SLCO5A1: variants seen among roughly 807,000 people sequenced by gnomAD.
The protein encoded by SLCO5A1 is solute carrier organic anion transporter family member 5A1.
SLCO5A1 carries 39 observed loss-of-function variants against 65.1 expected under a neutral mutation model. The ratio of observed to expected loss-of-function variants is 0.60; its 90% CI spans 0.46 to 0.78. The LOEUF is 0.78. Among genes scored for constraint, SLCO5A1 ranks in the 30% least tolerant of loss-of-function variants. SLCO5A1 has a pLI of 0.00. For synonymous variants in SLCO5A1, 438 were observed against 415.7 expected (o/e 1.05, Z -0.65); for missense variants, 1,029 against 1,069.4 (o/e 0.96, Z 0.53).
intron 5 of SLCO5A1, among the ~76,000 whole-genome samples, chr8:69,721,861 C>T (rs1020852659): frequency 6.6e-6 from 1 of 152,014 alleles, no homozygotes; most frequent in Non-Finnish European, 1.5e-5. Context: ...AAAATAAGTG[C>T]TATGATTAAA....
intron 5 of SLCO5A1, among the ~76,000 whole-genome samples, 185 bp from the exon 6 acceptor site, chr8:69,705,414 C>G (rs949683238): frequency 1.3e-5 from 2 of 152,178 alleles, no homozygotes; most frequent in Admixed American, 6.5e-5. Flanking sequence ...ACAACGGACT[C>G]ACATCCAGAT....
At chr8:69,705,838 T>G (rs1206238781) in intron 5 of SLCO5A1, among the ~76,000 whole-genome samples, 2 of 152,230 alleles carry the variant, frequency 1.3e-5, no homozygotes, top group Non-Finnish European at 2.9e-5. Context: ...CTCAACATGT[T>G]GGCAGGATGT....
At chr8:69,785,347 A>G (rs974262981) in intron 2 of SLCO5A1, among the ~76,000 whole-genome samples, 2 of 152,228 alleles carry the variant, frequency 1.3e-5, no homozygotes, top group African/African-American at 4.8e-5. Context: ...CAAATTCTAT[A>G]CTTAAATTTA....
At position 69,738,217 on chromosome 8, in the gene SLCO5A1, A is replaced by G. The variant is rs764954421; in HGVS notation, c.1259-13T>C. On this transcript the variant is annotated splice_polypyrimidine_tract_variant and intron_variant, in intron 4 of 9. Coordinates refer to ENST00000260126, the MANE Select transcript of SLCO5A1 (RefSeq NM_030958.3). ...GCTCTTGGTAGGTCTACAAAATGAC[A>G]AAAATGACAAATGAATGTTATAAAC... 3 of 1,585,118 alleles carry G rather than the reference A, an allele frequency of 1.9e-6. No individual in the cohort carries two copies. The highest frequency in any genetic ancestry group is 2.6e-6 in the Non-Finnish European group (3 of 1,162,982).
At chr8:69,687,269 A>G (rs1814041588) in intron 6 of SLCO5A1, among the ~76,000 whole-genome samples, 1 of 152,206 alleles carries the variant, frequency 6.6e-6, no homozygotes, top group Non-Finnish European at 1.5e-5. Context: ...GTCTATGGCT[A>G]TTAAATACCC....
intron 4 of SLCO5A1, among the ~76,000 whole-genome samples, chr8:69,752,074 T>C (rs1043097838): frequency 6.6e-5 from 10 of 152,100 alleles, no homozygotes; most frequent in African/African-American, 2.4e-4. Context: ...GTACAAAAGA[T>C]GCAAAAATTA....
At chr8:69,740,036 C>A (rs1816730452) in intron 4 of SLCO5A1, among the ~76,000 whole-genome samples, 1 of 152,274 alleles carries the variant, frequency 6.6e-6, no homozygotes, top group African/African-American at 2.4e-5. Flanking sequence ...ACGGGTTTTT[C>A]TTCTATAGCC....
chr8:69,784,920 AAGAAAG>A (rs976177071), intron 2 of SLCO5A1, among the ~76,000 whole-genome samples: 4 of 139,208 alleles, frequency 2.9e-5, no homozygotes, highest in African/African-American at 9.3e-5. Context: ...GAAAGAAAGA[AAGAAAG>A]AAAGAAAGAA....
intron 2 of SLCO5A1, chr8:69,794,651 C>T (rs1167264223): frequency 3.1e-6 from 1 of 324,778 alleles, no homozygotes; most frequent in Middle Eastern, 1.1e-3. Context: ...GTTTTTAGGA[C>T]TCTTTATGAT....
intron 2 of SLCO5A1, among the ~76,000 whole-genome samples, chr8:69,806,716 C>A (rs1034135361): frequency 2.0e-5 from 3 of 152,188 alleles, no homozygotes; most frequent in Admixed American, 1.3e-4. Flanking sequence ...TTATTAATAT[C>A]AAACTCACTG....
intron 2 of SLCO5A1, among the ~76,000 whole-genome samples, chr8:69,816,760 A>G (rs1194749493): frequency 6.6e-6 from 1 of 152,160 alleles, no homozygotes. Context: ...TTCTTTTTAA[A>G]ATTATGCCCA....
intron 2 of SLCO5A1, among the ~76,000 whole-genome samples, chr8:69,791,318 G>A (rs1819258250): frequency 1.3e-5 from 2 of 152,088 alleles, no homozygotes; most frequent in African/African-American, 4.8e-5. Context: ...CGCTCTGCAG[G>A]GACAGAGAAA....
intron 1 of SLCO5A1, chr8:69,834,086 CCACACA>C (rs60625289): frequency 0.087 from 12,507 of 144,358 alleles, 499 homozygotes; most frequent in Middle Eastern, 0.11. Flanking sequence ...GCGTGCGCGG[CCACACA>C]CACACACACA....
intron 2 of SLCO5A1, among the ~76,000 whole-genome samples, chr8:69,789,845 A>C (rs939759089): frequency 6.6e-6 from 1 of 152,202 alleles, no homozygotes; most frequent in African/African-American, 2.4e-5. Flanking sequence ...TTGACAGTAC[A>C]ACAGAGTGAC....
At chr8:69,805,293 C>T (rs935991099) in intron 2 of SLCO5A1, among the ~76,000 whole-genome samples, 15 of 152,102 alleles carry the variant, frequency 9.9e-5, no homozygotes, top group African/African-American at 3.6e-4. Context: ...CCAATGGCCA[C>T]TCTAATGTTC....
intron 4 of SLCO5A1, among the ~76,000 whole-genome samples, chr8:69,755,051 A>G (rs539256127): frequency 6.6e-6 from 1 of 152,318 alleles, no homozygotes; most frequent in South Asian, 2.1e-4. Context: ...AGTAAATAAC[A>G]TATATAGACA....
intron 4 of SLCO5A1, among the ~76,000 whole-genome samples, chr8:69,742,707 A>G (rs1478990509): frequency 6.6e-6 from 1 of 150,868 alleles, no homozygotes; most frequent in Non-Finnish European, 1.5e-5. Context: ...CAACAGAGCT[A>G]TGCTGCAATA....
intron 6 of SLCO5A1, among the ~76,000 whole-genome samples, chr8:69,696,572 C>A (rs191878778): frequency 6.6e-6 from 1 of 152,060 alleles, no homozygotes; most frequent in Admixed American, 6.6e-5. Flanking sequence ...CTCTAAGGAA[C>A]CTGGAAGAAA....
chr8:69,689,906 T>C (rs566756028), intron 6 of SLCO5A1, among the ~76,000 whole-genome samples: 44 of 152,300 alleles, frequency 2.9e-4, no homozygotes, highest in African/African-American at 9.6e-4. Context: ...GGGGATGGCA[T>C]TGAATCTATA....
Sources: gnomAD v4.1 joint callset for allele counts (sites outside exome capture counted in the v4.1 genomes callset) on GRCh38, gnomAD v4.1.1 for gene constraint, MANE v1.5 for transcripts, NCBI Gene and HGNC (gene_info 2026-07-23, HGNC 2026-07-21) for gene names.